Variants in CSF1 observed in about 807,000 individuals in gnomAD.
CSF1 encodes colony stimulating factor 1, also known as macrophage colony-stimulating factor 1.
CSF1 carries 9 observed loss-of-function variants against 48.9 expected under a neutral mutation model. The ratio of observed to expected loss-of-function variants is 0.18; its 90% CI spans 0.11 to 0.32. CSF1 has a LOEUF of 0.32. CSF1 is among the 10% of genes least tolerant of loss of function. CSF1 has a pLI of 1.00. For synonymous variants in CSF1, 305 were observed against 284.1 expected (o/e 1.07, Z -0.74); for missense variants, 672 against 697.9 (o/e 0.96, Z 0.42).
At chr1:109,917,254 C>A in intron 3 of CSF1, 39 bp from the exon 4 acceptor site, 1 of 1,598,108 alleles carries the variant, frequency 6.3e-7, no homozygotes, top group South Asian at 1.1e-5. Context: ...TCCCAGGCCA[C>A]AATGGCCAGG....
chr1:109,920,754 T>G (rs1214240677), intron 4 of CSF1, among the ~76,000 whole-genome samples: 5 of 152,346 alleles, frequency 3.3e-5, no homozygotes, highest in African/African-American at 1.2e-4. Context: ...GTATCTGTGA[T>G]TCAGTGGCAT....
rs1253178916 is a variant in CSF1 at position 109,924,049 on chromosome 1, G to A, written c.1428G>A (p.Leu476=). ...RPLPRFNSVP[L]TDTGHERQSE... ...TGCCCCGTTTTAACTCCGTTCCTTT[G>A]ACTGACACAGGCCATGAGAGGCAGT... The change falls in exon 6 of 9, where the codon TTG becomes TTA. Residue 476 remains leucine, a synonymous_variant. Coordinates refer to ENST00000329608, the MANE Select transcript of CSF1 (RefSeq NM_000757.6). 5.0e-6 allele frequency: 8 copies of A among 1,614,112 alleles called. No homozygotes were observed. The African/African-American group carries it at 1.1e-4, about 22-fold the overall frequency.
rs377085953 is a variant in CSF1, at chr1:109,921,853, G to C, written c.403G>C (p.Val135Leu). The C allele has an allele frequency of 3.2e-6, 5 of 1,587,218 alleles. No homozygotes were observed. Among genetic ancestry groups the C allele is most frequent in the Non-Finnish European group, 4.3e-6 (5 of 1,162,502 alleles). Residue 135 changes from valine to leucine, a missense_variant, in exon 5 of 9, where the codon GTC becomes CTC. Val to Leu is a conservative substitution (Grantham distance 32). Around this residue, in one of 3 missense-constraint regions of CSF1, gnomAD observed 591 missense variants for 593.6 expected, o/e 1.00. Transcript: ENST00000329608. ...KDYEEHDKAC[V>L]RTFYETPLQL... The stretch of plus-strand genomic sequence containing the variant: ...GGCCCTGATCTCCTTCCAGGCCTGC[G>C]TCCGAACTTTCTATGAGACACCTCT...
Position 109,923,505 on chromosome 1 carries a change from T to G in CSF1, c.884T>G (p.Leu295Arg). ...GAFNPGMEDI[L>R]DSAMGTNWVP... is the part of the protein sequence containing the mutation. ...TTCAACCCCGGGATGGAGGATATTCTTGACTCTGCAATGGGCACTAATTGG... is the reference window on the plus strand; with the variant it reads ...TTCAACCCCGGGATGGAGGATATTCGTGACTCTGCAATGGGCACTAATTGG... The change falls in exon 6 of 9, where the codon CTT becomes CGT. Residue 295 changes from leucine to arginine, a missense_variant. By Grantham distance (102) the Leu-to-Arg change is moderately radical. Around this residue, in one of 3 missense-constraint regions of CSF1, gnomAD observed 591 missense variants for 593.6 expected, o/e 1.00. Coordinates refer to ENST00000329608, the MANE Select transcript of CSF1 (RefSeq NM_000757.6). 1 of 1,614,128 alleles carries G rather than the reference T, an allele frequency of 6.2e-7. No individual in the cohort carries two copies. The highest frequency in any genetic ancestry group is 8.5e-7 in the Non-Finnish European group (1 of 1,180,006).
chr1:109,915,815 G>A, intron 3 of CSF1, 119 bp downstream of exon 3: 1 of 845,268 alleles, frequency 1.2e-6, no homozygotes, highest in South Asian at 1.5e-5. Flanking sequence ...GAGAGTGTGA[G>A]GATCCATGGG....
Position 109,917,324 on chromosome 1 carries a change from T to G in CSF1, c.257T>G (p.Phe86Cys). Residue 86 changes from phenylalanine to cysteine, a missense_variant, in exon 4 of 9, where the codon TTT becomes TGT. By Grantham distance (205) the Phe-to-Cys change is radical. Coordinates refer to ENST00000329608, the MANE Select transcript of CSF1 (RefSeq NM_000757.6). ...KDPVCYLKKA[F>C]LLVQDIMEDT... is the part of the protein sequence containing the mutation. ...CCAGTGTGCTACCTTAAGAAGGCAT[T>G]TCTCCTGGTACAAGACATAATGGAG... 5.0e-6 allele frequency: 8 copies of G among 1,614,158 alleles called. No individual in the cohort carries two copies. The highest frequency in any genetic ancestry group is 5.9e-6 in the Non-Finnish European group (7 of 1,180,018).
chr1:109,914,516 A>G, intron 2 of CSF1, 135 bp downstream of exon 2: 3 of 1,036,854 alleles, frequency 2.9e-6, no homozygotes, highest in East Asian at 6.1e-5. Context: ...GGTTCCCACT[A>G]GCTCCACCAG....
intron 7 of CSF1, 89 bp from the exon 8 acceptor site, chr1:109,925,058 A>T: frequency 4.9e-6 from 6 of 1,234,980 alleles, no homozygotes; most frequent in Non-Finnish European, 7.2e-6. Flanking sequence ...GGCCTAGAGC[A>T]TGTCTGGGGC....
Position 109,923,309 on chromosome 1 carries a change from G to A in CSF1, c.688G>A (p.Glu230Lys). 6.2e-7 allele frequency: 1 copy of A among 1,612,860 alleles called. No individual in the cohort carries two copies. Among genetic ancestry groups the A allele is most frequent in the Non-Finnish European group, 8.5e-7 (1 of 1,179,416 alleles). Residue 230 changes from glutamate (E) to lysine (K), a missense_variant, in exon 6 of 9, where the codon GAG (glutamate) becomes AAG (lysine). This residue lies in a region of CSF1 where 591 missense variants were observed against 593.6 expected (regional missense o/e 1.00). Transcript: ENST00000329608. ...GACCTGGGAGGACTCTGAGGGAACT[G>A]AGGGCAGCTCCCTCTTGCCTGGTGA... ...GLTWEDSEGT[E>K]GSSLLPGEQP...
intron 2 of CSF1, among the ~76,000 whole-genome samples, 161 bp from the exon 3 acceptor site, chr1:109,915,473 G>A (rs770023941): frequency 1.1e-4 from 17 of 152,216 alleles, no homozygotes; most frequent in Non-Finnish European, 2.2e-4. Flanking sequence ...GGAAGGCACT[G>A]ATCTTCTCCT....
In CSF1 at chr1:109,924,783, A is replaced by T; in HGVS notation, c.1577A>T (p.Gln526Leu). The T allele has an allele frequency of 6.3e-7, 1 of 1,594,654 alleles. No homozygotes were observed. The highest frequency in any genetic ancestry group is 8.5e-7 in the Non-Finnish European group (1 of 1,170,574). The change falls in exon 7 of 9, where the codon CAA becomes CTA. Residue 526 changes from glutamine to leucine, a missense_variant. Around this residue, in one of 3 missense-constraint regions of CSF1, gnomAD observed 591 missense variants for 593.6 expected, o/e 1.00. Coordinates refer to ENST00000329608, the MANE Select transcript of CSF1 (RefSeq NM_000757.6). ...LFYRWRRRSHQEPQRADSPLE... is the reference protein window; with the variant it reads ...LFYRWRRRSHLEPQRADSPLE... ...GCTCTTTCCTGTCCTCAGAGCCATC[A>T]AGAGCCTCAGAGAGCGGATTCTCCC...
intron 8 of CSF1, among the ~76,000 whole-genome samples, chr1:109,925,687 T>G (rs1400429672): frequency 6.6e-6 from 1 of 152,070 alleles, no homozygotes; most frequent in African/African-American, 2.4e-5. Context: ...CTTCCTTGCT[T>G]TTAGGATCAT....
rs1648019459 is a variant in CSF1 at position 109,930,403 on chromosome 1, G to A, written c.*1565G>A. On this transcript the variant is annotated 3_prime_UTR_variant, in exon 9 of 9. Transcript: ENST00000329608. ...GCGACAGGGCTGCCAGTTGCCCCTG[G>A]GTTCCTTTGTGCTGCTGTGTGCCTC... is the stretch of plus-strand genomic sequence containing the variant. 6.6e-6 allele frequency: 1 copy of A among 152,386 alleles called. No individual in the cohort carries two copies. The highest frequency in any genetic ancestry group is 2.1e-4 in the South Asian group (1 of 4,830). The allele number at this position is 152,386 out of a possible 1,614,324, so 9.4% of individuals were successfully genotyped here.
Position 109,923,353 on chromosome 1 carries a change from G to C in CSF1, c.732G>C (p.Val244=). ...LLPGEQPLHT[V]DPGSAKQRPP... ...CTGGTGAGCAGCCCCTGCACACAGT[G>C]GATCCAGGCAGTGCCAAGCAGCGGC... Residue 244 remains valine, a synonymous_variant, in exon 6 of 9, where the codon GTG becomes GTC. Coordinates refer to ENST00000329608, the MANE Select transcript of CSF1 (RefSeq NM_000757.6). The C allele has an allele frequency of 6.2e-7, 1 of 1,612,514 alleles. No homozygotes were observed. Among genetic ancestry groups the C allele is most frequent in the Non-Finnish European group, 8.5e-7 (1 of 1,179,222 alleles).
At chr1:109,912,664 G>T (rs1486505335) in intron 1 of CSF1, among the ~76,000 whole-genome samples, 1 of 152,196 alleles carries the variant, frequency 6.6e-6, no homozygotes, top group African/African-American at 2.4e-5. Flanking sequence ...TCTCCTCCAG[G>T]GAGGTTGTCT....
chr1:109,918,560 GGGTTTAGGGGCA>G (rs1401476393), intron 4 of CSF1, among the ~76,000 whole-genome samples: 1 of 152,156 alleles, frequency 6.6e-6, no homozygotes, highest in Admixed American at 6.5e-5. Flanking sequence ...ATGTTCCCGT[GGGTTTAGGGGCA>G]GAATCAACAA....
rs761311283 is a variant in CSF1 at position 109,924,210 on chromosome 1, G to A, written c.1569+20G>A. On this transcript the variant is annotated intron_variant, in intron 6 of 8. Transcript: ENST00000329608. The stretch of plus-strand genomic sequence containing the variant: ...CGGCGGGTGAGTAGATCCCCATGAG[G>A]AAGAAGAGCACGTCCCTTAGGGCAG... The A allele has an allele frequency of 6.3e-7, 1 of 1,581,582 alleles. No individual in the cohort carries two copies. The highest frequency in any genetic ancestry group is 8.6e-7 in the Non-Finnish European group (1 of 1,165,308).
In CSF1 at chr1:109,923,460, C is replaced by G. The variant is rs943175397; in HGVS notation, c.839C>G (p.Pro280Arg). ...KDSTIGGSPQ[P>R]RPSVGAFNPG... ...AGCACCATCGGTGGCTCACCACAGC[C>G]TCGCCCCTCTGTCGGGGCCTTCAAC... Residue 280 changes from proline (P) to arginine (R), a missense_variant, in exon 6 of 9, where the codon CCT (proline) becomes CGT (arginine). Physicochemically the swap from Pro to Arg is moderately radical, Grantham distance 103. Transcript: ENST00000329608. 6.2e-7 allele frequency: 1 copy of G among 1,614,048 alleles called. No individual in the cohort carries two copies. Among genetic ancestry groups the G allele is most frequent in the African/African-American group, 1.3e-5 (1 of 74,920 alleles).
Position 109,924,761 on chromosome 1 carries a change from C to A in CSF1, c.1570-15C>A, listed in dbSNP as rs370129736. ...TCCCCCAGCTCCTCAGTGAGATGCTCTTTCCTGTCCTCAGAGCCATCAAGA... is the reference window on the plus strand; with the variant it reads ...TCCCCCAGCTCCTCAGTGAGATGCTATTTCCTGTCCTCAGAGCCATCAAGA... On this transcript the variant is annotated splice_polypyrimidine_tract_variant and intron_variant, in intron 6 of 8. Transcript: ENST00000329608. 102 of 1,577,476 alleles carry A rather than the reference C, an allele frequency of 6.5e-5. No homozygotes were observed. The highest frequency in any genetic ancestry group is 8.2e-5 in the Non-Finnish European group (95 of 1,161,478).
Sources: allele counts gnomAD v4.1 joint callset (sites outside exome capture counted in the v4.1 genomes callset), GRCh38; gene constraint gnomAD v4.1.1; regional missense constraint gnomAD v4.1.1; transcripts MANE v1.5; gene names NCBI Gene and HGNC (gene_info 2026-07-23, HGNC 2026-07-21).